ZBTB7C: variants seen among roughly 807,000 people sequenced by gnomAD.
The protein encoded by ZBTB7C is zinc finger and BTB domain-containing protein 7C.
ZBTB7C carries 8 observed loss-of-function variants against 25.7 expected under a neutral mutation model. The ratio of observed to expected loss-of-function variants is 0.31; its 90% CI spans 0.18 to 0.56. The LOEUF is 0.56. ZBTB7C is among the 20% of genes least tolerant of loss of function. The pLI is 0.91. For missense variants in ZBTB7C, 824 were observed against 855.2 expected, an observed-to-expected ratio of 0.96 and a Z score of 0.46; for synonymous variants, 394 against 369.0, an observed-to-expected ratio of 1.07 and a Z score of -0.78.
chr18:48,266,453 G>A (rs971047864), intron 2 of ZBTB7C, among the ~76,000 whole-genome samples: 3 of 152,200 alleles, frequency 2.0e-5, no homozygotes, highest in South Asian at 4.1e-4. Flanking sequence ...TTGGAAATGA[G>A]GGTGCCAAAT....
At chr18:48,188,750 C>A (rs992674048) in intron 2 of ZBTB7C, among the ~76,000 whole-genome samples, 1 of 152,190 alleles carries the variant, frequency 6.6e-6, no homozygotes, top group South Asian at 2.1e-4. Context: ...TGTCTGCTCT[C>A]CCCACCGGGA....
At chr18:48,333,789 C>T (rs1281269757) in intron 2 of ZBTB7C, among the ~76,000 whole-genome samples, 2 of 152,306 alleles carry the variant, frequency 1.3e-5, no homozygotes, top group Middle Eastern at 3.4e-3. Context: ...GGCAGCAACA[C>T]GAGTGACCCA....
chr18:48,145,109 T>C (rs1305703235), intron 3 of ZBTB7C, among the ~76,000 whole-genome samples: 2 of 152,096 alleles, frequency 1.3e-5, no homozygotes, highest in Non-Finnish European at 2.9e-5. Flanking sequence ...GAGAAGTCAT[T>C]AGTTAATAAC....
intron 3 of ZBTB7C, among the ~76,000 whole-genome samples, chr18:48,043,887 G>GCTAT (rs1369251151): frequency 6.6e-6 from 1 of 152,152 alleles, no homozygotes; most frequent in Non-Finnish European, 1.5e-5. Context: ...CTCTCATCCA[G>GCTAT]CTATCTACCA....
chr18:48,401,323 T>C (rs971351337), intron 1 of ZBTB7C, among the ~76,000 whole-genome samples: 10 of 152,188 alleles, frequency 6.6e-5, no homozygotes, highest in Non-Finnish European at 1.2e-4. Context: ...GTGGCTCCCC[T>C]GTATGGCTCC....
At chr18:48,274,374 A>T (rs2044582716) in intron 2 of ZBTB7C, among the ~76,000 whole-genome samples, 1 of 152,140 alleles carries the variant, frequency 6.6e-6, no homozygotes, top group African/African-American at 2.4e-5. Context: ...CAGCATTATG[A>T]CAGCAAGTTA....
At chr18:48,320,526 G>A (rs2046064719) in intron 2 of ZBTB7C, among the ~76,000 whole-genome samples, 1 of 152,208 alleles carries the variant, frequency 6.6e-6, no homozygotes, top group Non-Finnish European at 1.5e-5. Context: ...ACGGCTGCCA[G>A]CACCTGAGAG....
At chr18:48,118,046 C>T (rs1182748487) in intron 3 of ZBTB7C, among the ~76,000 whole-genome samples, 1 of 147,688 alleles carries the variant, frequency 6.8e-6, no homozygotes, top group African/African-American at 2.5e-5. Context: ...CACTCGGTTG[C>T]CCGGGCTGGA....
intron 1 of ZBTB7C, among the ~76,000 whole-genome samples, chr18:48,381,805 C>T (rs1025857433): frequency 2.0e-5 from 3 of 152,180 alleles, no homozygotes; most frequent in African/African-American, 7.2e-5. Context: ...GAAGGACTGG[C>T]CACTCTTTGG....
chr18:48,139,277 A>T (rs1281412649), intron 3 of ZBTB7C, among the ~76,000 whole-genome samples: 1 of 152,174 alleles, frequency 6.6e-6, no homozygotes, highest in Non-Finnish European at 1.5e-5. Flanking sequence ...TCTATGAGGT[A>T]GAGCCAGTTT....
chr18:48,297,048 C>T (rs1005910002), intron 2 of ZBTB7C, among the ~76,000 whole-genome samples: 1 of 152,100 alleles, frequency 6.6e-6, no homozygotes, highest in Non-Finnish European at 1.5e-5. Flanking sequence ...CACCCCACCC[C>T]GTCTGTGGAA....
At chr18:48,055,407 T>A (rs1241319757) in intron 3 of ZBTB7C, among the ~76,000 whole-genome samples, 18 of 89,318 alleles carry the variant, frequency 2.0e-4, no homozygotes, top group African/African-American at 7.9e-4. Flanking sequence ...AAGACTCAAG[T>A]CTCAAAAAAA....
At chr18:48,412,527 T>C (rs2048388419), upstream of ZBTB7C, among the ~76,000 whole-genome samples, 1 of 152,132 alleles carries the variant, frequency 6.6e-6, no homozygotes, top group Admixed American at 6.5e-5. Flanking sequence ...AGTTCAGAAG[T>C]TCACGAGCAT....
At chr18:48,365,329 G>A (rs565953437) in intron 1 of ZBTB7C, among the ~76,000 whole-genome samples, 29 of 152,238 alleles carry the variant, frequency 1.9e-4, no homozygotes, top group Non-Finnish European at 4.0e-4. Context: ...AGCATCCTGG[G>A]GAACATACCT....
upstream of ZBTB7C, among the ~76,000 whole-genome samples, chr18:48,411,029 C>T (rs115332467): frequency 0.014 from 2,113 of 150,758 alleles, 57 homozygotes; most frequent in African/African-American, 0.05. Context: ...GTGCCTCTTC[C>T]TAATATCACT....
At chr18:48,159,361 G>T (rs548456798) in intron 3 of ZBTB7C, among the ~76,000 whole-genome samples, 1 of 152,202 alleles carries the variant, frequency 6.6e-6, no homozygotes, top group South Asian at 2.1e-4. Context: ...GATCTTACGA[G>T]GATTCAATAA....
intron 2 of ZBTB7C, among the ~76,000 whole-genome samples, chr18:48,208,407 T>C (rs1360135987): frequency 1.3e-5 from 2 of 152,164 alleles, no homozygotes; most frequent in Admixed American, 6.5e-5. Context: ...CTGGCTGTTC[T>C]AGAAGAAATT....
intron 3 of ZBTB7C, among the ~76,000 whole-genome samples, chr18:48,113,601 G>A (rs746246649): frequency 6.6e-6 from 1 of 152,212 alleles, no homozygotes; most frequent in African/African-American, 2.4e-5. Flanking sequence ...CCAAGTCCAG[G>A]GGAAAGCCAA....
intron 1 of ZBTB7C, chr18:48,350,647 G>C (rs1257758750): frequency 1.4e-5 from 2 of 144,544 alleles, no homozygotes; most frequent in East Asian, 2.2e-4. Context: ...GGCATAAAAG[G>C]CTATAGATTG....
Sources: gnomAD v4.1 joint callset for allele counts (sites outside exome capture counted in the v4.1 genomes callset) on GRCh38, gnomAD v4.1.1 for gene constraint, MANE v1.5 for transcripts, NCBI Gene and HGNC (gene_info 2026-07-23, HGNC 2026-07-21) for gene names.